IL31RA: variants seen among roughly 807,000 people sequenced by gnomAD.
IL31RA encodes the protein interleukin-31 receptor subunit alpha.
IL31RA carries 66 observed loss-of-function variants against 83.7 expected under a neutral mutation model. The ratio of observed to expected loss-of-function variants is 0.79; its 90% CI spans 0.65 to 0.97. The LOEUF is 0.97. Ranked by LOEUF, IL31RA falls within the 50% of genes least tolerant of loss-of-function variation. The probability of loss-of-function intolerance (pLI) is 0.00; values close to 1 mark genes in which losing one functional copy is unlikely to be tolerated. For synonymous variants in IL31RA, 325 were observed against 329.0 expected (o/e 0.99, Z 0.13); for missense variants, 798 against 919.4 (o/e 0.87, Z 1.71).
rs142242954 is a variant in IL31RA at position 55,899,680 on chromosome 5, C to A, written c.853-236C>A. ...GCTTGTTTACATTGTTTTGGGCATT[C>A]TTCTAGTTTAGCCTCATGGAATTAG... On this transcript the variant is annotated intron_variant, in intron 7 of 14. Transcript: ENST00000652347. Among the ~76,000 whole-genome samples, 9 of 152,278 alleles carry A rather than the reference C, an allele frequency of 5.9e-5. No homozygotes were observed. The East Asian group carries it at 1.5e-3, about 26-fold the overall frequency.
intron 1 of IL31RA, chr5:55,853,394 A>G (rs1580640655): frequency 7.2e-7 from 1 of 1,394,606 alleles, no homozygotes; most frequent in East Asian, 2.6e-5. Flanking sequence ...GCTTAAAAGC[A>G]CAAGAAAAGC....
chr5:55,851,772 TTA>T (rs1477324206), intron 1 of IL31RA, 139 bp downstream of exon 1: 1 of 1,567,200 alleles, frequency 6.4e-7, no homozygotes, highest in African/African-American at 1.3e-5. Context: ...CGTGGCATAA[TTA>T]TGTTTGCTTA....
chr5:55,870,996 A>G (rs1293209814), intron 3 of IL31RA, among the ~76,000 whole-genome samples: 3 of 152,388 alleles, frequency 2.0e-5, no homozygotes, highest in Non-Finnish European at 2.9e-5. Flanking sequence ...AATTATAGTA[A>G]TAACAGCTCA....
chr5:55,907,421 G>T lies in IL31RA; in HGVS notation c.1315G>T (p.Gly439Cys), dbSNP rs1749223736. Reference protein sequence around the residue: ...SVYPMLHDKVGEPYSIQAYAK... With the variant: ...SVYPMLHDKVCEPYSIQAYAK... ...GTATCCAATGTTGCATGACAAAGTT[G>T]GCGAGCCATATTCCATCCAGGCTTA... Residue 439 changes from glycine (G) to cysteine (C), a missense_variant, in exon 10 of 15, where the codon GGC becomes TGC. Physicochemically the swap from Gly to Cys is radical, Grantham distance 159. Coordinates refer to ENST00000652347, the MANE Select transcript of IL31RA (RefSeq NM_139017.7). The T allele has an allele frequency of 1.2e-6, 2 of 1,613,712 alleles. No individual in the cohort carries two copies. Among genetic ancestry groups the T allele is most frequent in the South Asian group, 1.1e-5 (1 of 91,078 alleles).
chr5:55,840,199 T>A, the IL31RA span, among the ~76,000 whole-genome samples: 8 of 152,368 alleles, frequency 5.3e-5, no homozygotes, highest in African/African-American at 1.4e-4. Context: ...TGTACTACTG[T>A]TCATCTCTTT....
chr5:55,900,700 G>A (rs1490868415), intron 8 of IL31RA, among the ~76,000 whole-genome samples: 1 of 152,124 alleles, frequency 6.6e-6, no homozygotes, highest in Non-Finnish European at 1.5e-5. Context: ...TATTTATCCT[G>A]TTTTGGAATA....
intron 4 of IL31RA, among the ~76,000 whole-genome samples, chr5:55,880,389 A>T (rs1180171401): frequency 6.6e-6 from 1 of 152,222 alleles, no homozygotes; most frequent in Admixed American, 6.5e-5. Context: ...ATTCTCCATG[A>T]TGTGATTATT....
At chr5:55,909,513 A>C (rs1336192277) in intron 11 of IL31RA, among the ~76,000 whole-genome samples, 1 of 152,164 alleles carries the variant, frequency 6.6e-6, no homozygotes, top group Non-Finnish European at 1.5e-5. Flanking sequence ...ACTACTCCAC[A>C]CTATACATTT....
the IL31RA span, among the ~76,000 whole-genome samples, chr5:55,842,242 G>A: frequency 6.6e-6 from 1 of 152,160 alleles, no homozygotes; most frequent in African/African-American, 2.4e-5. Context: ...CTGATTATTA[G>A]ATTAAGGGCC....
In IL31RA at chr5:55,922,383, A is replaced by C. The variant is rs1445227475; in HGVS notation, c.*5263A>C. 3.9e-6 allele frequency: 6 copies of C among 1,549,676 alleles called. No homozygotes were observed. The highest frequency in any genetic ancestry group is 1.2e-5 in the South Asian group (1 of 84,040). ...GGGAAGTGAGATACTTGTACTATGCATTTCATTTTTAGGACTAGAATTCTG... is the reference window on the plus strand; with the variant it reads ...GGGAAGTGAGATACTTGTACTATGCCTTTCATTTTTAGGACTAGAATTCTG... On this transcript the variant is annotated 3_prime_UTR_variant, in exon 15 of 15. Coordinates refer to ENST00000652347, the MANE Select transcript of IL31RA (RefSeq NM_139017.7).
rs1212400642 is a variant in IL31RA, at chr5:55,867,169, ATGTGTGTGTGCATG to A, written c.155-1616_155-1603del. Among the ~76,000 whole-genome samples, 57 of 106,218 alleles carry A rather than the reference ATGTGTGTGTGCATG, an allele frequency of 5.4e-4. 4 individuals carry two copies. Among genetic ancestry groups the A allele is most frequent in the Admixed American group, 5.3e-3 (54 of 10,234 alleles). 69.7% of individuals were successfully genotyped at this position (106,218 alleles called of 152,430 possible). A position where few individuals can be genotyped will look rare whatever the true frequency, so the allele number is the denominator to read the frequency against. The stretch of plus-strand genomic sequence containing the variant: ...TGTGCATGTGTGTTTGTGTGTGTGC[ATGTGTGTGTGCATG>A]TGTGTTTGTGTGTGTTTGTGTGTGT... On this transcript the variant is annotated intron_variant, in intron 2 of 14. Coordinates refer to ENST00000652347, the MANE Select transcript of IL31RA (RefSeq NM_139017.7).
Position 55,867,117 on chromosome 5 carries a change from GTGTGTT to G in IL31RA, c.155-1668_155-1663del, listed in dbSNP as rs554495609. Among the ~76,000 whole-genome samples the G allele has an allele frequency of 2.1e-4, 24 of 113,968 alleles. 1 individual carries two copies. Among genetic ancestry groups the G allele is most frequent in the African/African-American group, 7.1e-4 (18 of 25,180 alleles). The allele number at this position is 113,968 out of a possible 152,430, so 74.8% of individuals were successfully genotyped here. ...TGTGTGTTTGTGTGTGTGTGCATGT[GTGTGTT>G]TGTGTGTGTGTGCATGTGTGTGTGC... On this transcript the variant is annotated intron_variant, in intron 2 of 14. Transcript: ENST00000652347.
At chr5:55,857,023 C>A (rs1745401700) in intron 1 of IL31RA, among the ~76,000 whole-genome samples, 1 of 152,150 alleles carries the variant, frequency 6.6e-6, no homozygotes. Flanking sequence ...CTACCCACCA[C>A]AGATAACCAG....
chr5:55,878,915 G>T (rs1248839851), intron 4 of IL31RA, among the ~76,000 whole-genome samples: 1 of 152,150 alleles, frequency 6.6e-6, no homozygotes, highest in African/African-American at 2.4e-5. Flanking sequence ...GCCTTTCAAA[G>T]TGTTGGGATT....
In IL31RA at chr5:55,916,800, G is replaced by A. The variant is rs1453610058; in HGVS notation, c.1975G>A (p.Gly659Ser). Residue 659 changes from glycine to serine, a missense_variant, in exon 15 of 15, where the codon GGT (glycine) becomes AGT (serine). By Grantham distance (56) the Gly-to-Ser change is moderately conservative. Transcript: ENST00000652347. Reference sequence around the variant, plus strand: ...AATTTTCACAGATGAAGCCAGAACGGGTCAGGAAAACAATTTAGGAGGGGA... The same window carrying A: ...AATTTTCACAGATGAAGCCAGAACGAGTCAGGAAAACAATTTAGGAGGGGA... ...QEIFTDEART[G>S]QENNLGGEKN... 6.2e-7 allele frequency: 1 copy of A among 1,614,202 alleles called. No homozygotes were observed.
intron 1 of IL31RA, chr5:55,853,326 C>T (rs1745164942): frequency 8.0e-7 from 1 of 1,255,140 alleles, no homozygotes. Flanking sequence ...TTTTAGTTAA[C>T]AATAATGCAA....
chr5:55,921,670 T>G lies in IL31RA; in HGVS notation c.*4550T>G, dbSNP rs1232372909. Among the ~76,000 whole-genome samples the G allele has an allele frequency of 6.6e-6, 1 of 152,240 alleles. No individual in the cohort carries two copies. Among genetic ancestry groups the G allele is most frequent in the Non-Finnish European group, 1.5e-5 (1 of 68,042 alleles). On this transcript the variant is annotated 3_prime_UTR_variant, in exon 15 of 15. Transcript: ENST00000652347. ...GCTGTCTACCACTGTGAGCTTGATT[T>G]TGTCAATTTATCGGGAATAGTTAAT...
At chr5:55,855,385 G>C (rs1745296717) in intron 1 of IL31RA, among the ~76,000 whole-genome samples, 1 of 151,758 alleles carries the variant, frequency 6.6e-6, no homozygotes, top group Admixed American at 6.6e-5. Context: ...TGAACTCCTG[G>C]TTTGCCATTC....
intron 10 of IL31RA, 57 bp from the exon 11 acceptor site, chr5:55,908,208 G>T (rs1749272461): frequency 6.2e-7 from 1 of 1,610,030 alleles, no homozygotes; most frequent in African/African-American, 1.3e-5. Flanking sequence ...CTTTGTGGGG[G>T]AACGATCTCC....
Sources: gnomAD v4.1 joint callset for allele counts (sites outside exome capture counted in the v4.1 genomes callset) on GRCh38, gnomAD v4.1.1 for gene constraint, MANE v1.5 for transcripts, NCBI Gene and HGNC (gene_info 2026-07-23, HGNC 2026-07-21) for gene names.